GIMD1: variants seen among roughly 807,000 people sequenced by gnomAD.
GIMD1 encodes GTPase IMAP family member GIMD1.
A neutral mutation model predicts 14.9 loss-of-function variants in GIMD1; 14 were observed. That is an observed-to-expected ratio of 0.94 (90% CI 0.62 to 1.47). The LOEUF is 1.47. GIMD1 is among the 40% of genes most tolerant of loss of function. The pLI, the probability that GIMD1 is intolerant of heterozygous loss-of-function variation, is 0.00. For missense variants in GIMD1, 272 were observed against 255.3 expected (o/e 1.07, Z -0.44); for synonymous variants, 91 against 90.5 (o/e 1.01, Z -0.03).
At chr4:106,363,743 A>G (rs1770649339) in intron 2 of GIMD1, among the ~76,000 whole-genome samples, 1 of 152,034 alleles carries the variant, frequency 6.6e-6, no homozygotes, top group South Asian at 2.1e-4. Context: ...TTCATTTAGT[A>G]TTTTCAGGCT....
intron 2 of GIMD1, 60 bp from the exon 3 acceptor site, chr4:106,358,503 AGGATTT>A: frequency 7.7e-7 from 1 of 1,306,438 alleles, no homozygotes; most frequent in East Asian, 2.5e-5. Flanking sequence ...AAATGAGCAA[AGGATTT>A]ATTACGGTCC....
rs1198527973 is a variant in GIMD1, at chr4:106,357,966, T to C, written c.*217A>G. The C allele has an allele frequency of 6.9e-6, 3 of 435,128 alleles. No individual in the cohort carries two copies. Among genetic ancestry groups the C allele is most frequent in the Non-Finnish European group, 1.2e-5 (3 of 243,420 alleles). 27.0% of individuals were successfully genotyped at this position (435,128 alleles called of 1,614,324 possible). A position where few individuals can be genotyped will look rare whatever the true frequency, so the allele number is the denominator to read the frequency against. On this transcript the variant is annotated 3_prime_UTR_variant, in exon 3 of 3. Coordinates refer to ENST00000638719, the MANE Select transcript of GIMD1 (RefSeq NM_001195138.2). ...GTACACATTTATGTTGGGTATACAC[T>C]TAGGAGTGTAATTGCTATGTCATGG...
At chr4:106,368,213 A>G (rs1770735523) in intron 1 of GIMD1, among the ~76,000 whole-genome samples, 2 of 152,156 alleles carry the variant, frequency 1.3e-5, no homozygotes, top group South Asian at 4.2e-4. Flanking sequence ...AGAAGGGGGG[A>G]GAATCTTGGG....
intron 2 of GIMD1, among the ~76,000 whole-genome samples, chr4:106,363,356 C>G (rs117229554): frequency 6.6e-6 from 1 of 152,012 alleles, no homozygotes; most frequent in African/African-American, 2.4e-5. Context: ...GTTACTTGCC[C>G]GAGATCACAA....
Position 106,367,456 on chromosome 4 carries a change from A to G in GIMD1, c.-2-19T>C. On this transcript the variant is annotated intron_variant, in intron 1 of 2. Transcript: ENST00000638719. ...GTCATGGCTGTAGGAAAACAAAGGC[A>G]TAGCACGCATAATTAGGCTTCTACA... 1 of 1,501,610 alleles carries G rather than the reference A, an allele frequency of 6.7e-7. No individual in the cohort carries two copies. The highest frequency in any genetic ancestry group is 2.5e-5 in the East Asian group (1 of 40,398). 93.0% of individuals were successfully genotyped at this position (1,501,610 alleles called of 1,614,324 possible).
chr4:106,365,284 T>G (rs1390940202), intron 2 of GIMD1, among the ~76,000 whole-genome samples: 2 of 152,120 alleles, frequency 1.3e-5, no homozygotes, highest in Admixed American at 6.6e-5. Context: ...CTTCCTTACT[T>G]TTGTATAGCA....
rs750917441 is a variant in GIMD1, at chr4:106,358,253, C to G, written c.584G>C (p.Arg195Thr). Reference protein sequence around the residue: ...YKKGKSLNEQRMKILERIMEF... With the variant: ...YKKGKSLNEQTMKILERIMEF... ...CATGATTCTTTCTAAGATTTTCATT[C>G]TTTGTTCATTGAGTGATTTTCCTTT... The change falls in exon 3 of 3, where the codon AGA becomes ACA. Residue 195 changes from arginine (R) to threonine (T), a missense_variant. Physicochemically the swap from Arg to Thr is moderately conservative, Grantham distance 71. Transcript: ENST00000638719. 3.3e-6 allele frequency: 5 copies of G among 1,520,920 alleles called. No homozygotes were observed. The South Asian group carries it at 6.1e-5, about 19-fold the overall frequency. The allele number at this position is 1,520,920 out of a possible 1,614,324, so 94.2% of individuals were successfully genotyped here.
chr4:106,358,484 AT>A, intron 2 of GIMD1, 41 bp from the exon 3 acceptor site: 1 of 1,433,586 alleles, frequency 7.0e-7, no homozygotes, highest in Non-Finnish European at 9.2e-7. Context: ...CTTGAACTAT[AT>A]TCCTCAAAAA....
At chr4:106,359,460 T>C (rs1325154095) in intron 2 of GIMD1, among the ~76,000 whole-genome samples, 2 of 151,866 alleles carry the variant, frequency 1.3e-5, no homozygotes, top group East Asian at 1.9e-4. Flanking sequence ...CCAGATATTA[T>C]GCTAAGCACT....
At position 106,359,553 on chromosome 4, in the gene GIMD1, T is replaced by A. The variant is rs529284707; in HGVS notation, c.394-1110A>T. Among the ~76,000 whole-genome samples, 48 of 152,012 alleles carry A rather than the reference T, an allele frequency of 3.2e-4. 2 individuals carry two copies. The East Asian group carries it at 9.1e-3, about 29-fold the overall frequency. Reference sequence around the variant, plus strand: ...TATCTCCATTATGATATTGGCAAACTGACTTATAAAGACTTTGAGTTATAT... The same window carrying A: ...TATCTCCATTATGATATTGGCAAACAGACTTATAAAGACTTTGAGTTATAT... On this transcript the variant is annotated intron_variant, in intron 2 of 2. Transcript: ENST00000638719.
chr4:106,368,463 C>T (rs755334701), intron 1 of GIMD1, among the ~76,000 whole-genome samples: 1 of 152,142 alleles, frequency 6.6e-6, no homozygotes, highest in Non-Finnish European at 1.5e-5. Flanking sequence ...GCAGGTCCTT[C>T]TTGTCCTTTA....
chr4:106,366,755 G>T (rs1045318330), intron 2 of GIMD1, among the ~76,000 whole-genome samples: 1 of 151,872 alleles, frequency 6.6e-6, no homozygotes, highest in African/African-American at 2.4e-5. Context: ...TTGAGGCTTG[G>T]TTAACCTCTG....
At chr4:106,361,388 T>C (rs1269099000) in intron 2 of GIMD1, among the ~76,000 whole-genome samples, 4 of 151,946 alleles carry the variant, frequency 2.6e-5, no homozygotes, top group Admixed American at 6.6e-5. Context: ...GAAGTAAGGG[T>C]AAAAAGGAAA....
At chr4:106,365,498 C>A (rs1336061343) in intron 2 of GIMD1, among the ~76,000 whole-genome samples, 1 of 151,532 alleles carries the variant, frequency 6.6e-6, no homozygotes, top group Admixed American at 6.6e-5. Flanking sequence ...TTCATTAAAA[C>A]CAAGTAACTA....
chr4:106,358,461 G>T lies in GIMD1; in HGVS notation c.394-18C>A. 1.3e-6 allele frequency: 2 copies of T among 1,492,340 alleles called. No homozygotes were observed. The highest frequency in any genetic ancestry group is 1.8e-6 in the Non-Finnish European group (2 of 1,129,410). 92.4% of individuals were successfully genotyped at this position (1,492,340 alleles called of 1,614,324 possible). A position where few individuals can be genotyped will look rare whatever the true frequency, so the allele number is the denominator to read the frequency against. ...AGAAGTTCCTGAAAGAGAGAAGTTAGATAACTATTGAACTTGAACTATATT... is the reference window on the plus strand; with the variant it reads ...AGAAGTTCCTGAAAGAGAGAAGTTATATAACTATTGAACTTGAACTATATT... On this transcript the variant is annotated intron_variant, in intron 2 of 2. Coordinates refer to ENST00000638719, the MANE Select transcript of GIMD1 (RefSeq NM_001195138.2).
At position 106,367,307 on chromosome 4, in the gene GIMD1, C is replaced by T. The variant is rs1016381786; in HGVS notation, c.129G>A (p.Val43=). 4.6e-6 allele frequency: 7 copies of T among 1,535,898 alleles called. No individual in the cohort carries two copies. The African/African-American group carries it at 8.2e-5, about 18-fold the overall frequency. The change falls in exon 2 of 3, where the codon GTG becomes GTA. Residue 43 remains valine (V), a synonymous_variant. Coordinates refer to ENST00000638719, the MANE Select transcript of GIMD1 (RefSeq NM_001195138.2). ...DFHSSFAPCS[V]TTCCSLGRSC... ...TGCGGCCCAGGCTACAACATGTGGT[C>T]ACAGAACAGGGAGCAAAGCTGCTGT...
rs1278900692 is a variant in GIMD1 at position 106,357,953 on chromosome 4, GT to G, written c.*229del. On this transcript the variant is annotated 3_prime_UTR_variant, in exon 3 of 3. Coordinates refer to ENST00000638719, the MANE Select transcript of GIMD1 (RefSeq NM_001195138.2). Reference sequence around the variant, plus strand: ...CTAGTACACAAATGTACACATTTATGTTGGGTATACACTTAGGAGTGTAATT... The same window carrying G: ...CTAGTACACAAATGTACACATTTATGTGGGTATACACTTAGGAGTGTAATT... 1.6e-5 allele frequency: 6 copies of G among 366,158 alleles called. No homozygotes were observed. Among genetic ancestry groups the G allele is most frequent in the Non-Finnish European group, 3.0e-5 (6 of 202,624 alleles). The allele number at this position is 366,158 out of a possible 1,614,324, so 22.7% of individuals were successfully genotyped here.
At chr4:106,363,844 A>G (rs1770650917) in intron 2 of GIMD1, among the ~76,000 whole-genome samples, 1 of 138,958 alleles carries the variant, frequency 7.2e-6, no homozygotes, top group Non-Finnish European at 1.5e-5. Flanking sequence ...TACATGCTTG[A>G]AACTTGCTTG....
intron 2 of GIMD1, among the ~76,000 whole-genome samples, chr4:106,363,854 G>C (rs1770651091): frequency 8.0e-6 from 1 of 124,404 alleles, no homozygotes; most frequent in Admixed American, 9.7e-5. Flanking sequence ...AAACTTGCTT[G>C]TACGCAGTAA....
Sources: gnomAD v4.1 joint callset for allele counts (sites outside exome capture counted in the v4.1 genomes callset) on GRCh38, gnomAD v4.1.1 for gene constraint, MANE v1.5 for transcripts, NCBI Gene and HGNC (gene_info 2026-07-23, HGNC 2026-07-21) for gene names.